Variants in BRCA1 observed in about 807,000 individuals in gnomAD.
The protein encoded by BRCA1 is BRCA1 DNA repair associated.
Under a neutral mutation model 173.7 loss-of-function variants are expected in BRCA1, and 140 were observed. The observed-to-expected ratio is 0.81, with a 90% CI of 0.70 to 0.93. BRCA1 has a LOEUF of 0.93. BRCA1 is among the 40% of genes least tolerant of loss of function. The pLI is 0.00. For synonymous variants in BRCA1, 662 were observed against 756.0 expected, an observed-to-expected ratio of 0.88 and a Z score of 2.04; for missense variants, 1,983 against 2,172.5, an observed-to-expected ratio of 0.91 and a Z score of 1.73.
intron 6 of BRCA1, 122 bp downstream of exon 6, chr17:43,104,000 A>AG (rs2054602044): frequency 7.9e-7 from 1 of 1,269,508 alleles, no homozygotes; most frequent in Non-Finnish European, 1.1e-6. Flanking sequence ...CCAGCTACTA[A>AG]GGGGGCTAAG....
In BRCA1 at chr17:43,106,501, T is replaced by C. The variant is rs397508897; in HGVS notation, c.167A>G (p.Lys56Arg). 6.2e-7 allele frequency: 1 copy of C among 1,604,142 alleles called. No homozygotes were observed. The highest frequency in any genetic ancestry group is 8.5e-7 in the Non-Finnish European group (1 of 1,171,796). The change falls in exon 4 of 23, where the codon AAA becomes AGA. Residue 56 changes from lysine (K) to arginine (R), a missense_variant. By Grantham distance (26) the Lys-to-Arg change is conservative (BLOSUM62 2). Coordinates refer to ENST00000357654, the MANE Select transcript of BRCA1 (RefSeq NM_007294.4). ...FCMLKLLNQK[K>R]GPSQCPLCKN... is the part of the protein sequence containing the mutation. ...ACATAAAGGACACTGTGAAGGCCCT[T>C]TCTTCTGGTTGAGAAGTTTCAGCAT...
At chr17:43,104,748 G>T in intron 5 of BRCA1, 120 bp downstream of exon 5, 3 of 871,448 alleles carry the variant, frequency 3.4e-6, no homozygotes, top group East Asian at 2.5e-5. Context: ...TACAGATACA[G>T]AACTAAAATT....
intron 3 of BRCA1, among the ~76,000 whole-genome samples, chr17:43,107,625 C>G (rs1477549439): frequency 6.6e-6 from 1 of 152,138 alleles, no homozygotes; most frequent in African/African-American, 2.4e-5. Context: ...CCTTGGCCTT[C>G]CAGAGTGCTG....
chr17:43,080,920 A>G (rs1015958077), intron 12 of BRCA1, among the ~76,000 whole-genome samples: 7 of 152,136 alleles, frequency 4.6e-5, no homozygotes, highest in Non-Finnish European at 1.0e-4. Flanking sequence ...AGAAAAAATT[A>G]TTTTTAAAAA....
At chr17:43,108,231 G>A (rs1357956601) in intron 3 of BRCA1, among the ~76,000 whole-genome samples, 25 of 151,356 alleles carry the variant, frequency 1.7e-4, no homozygotes, top group Non-Finnish European at 3.2e-4. Context: ...CCAGTTACTC[G>A]GGAGGCTGAG....
At chr17:43,161,303 A>C (rs1334844099) in intron 1 of BRCA1, 4 of 152,214 alleles carry the variant, frequency 2.6e-5, no homozygotes, top group East Asian at 1.9e-4. Context: ...CGGTATCCCC[A>C]CGAGCCATCT....
In BRCA1 at chr17:43,096,356, A is replaced by T. The variant is rs375835931; in HGVS notation, c.594-434T>A. Among the ~76,000 whole-genome samples, 14 of 144,290 alleles carry T rather than the reference A, an allele frequency of 9.7e-5. No individual in the cohort carries two copies. The South Asian group carries it at 3.4e-3, about 35-fold the overall frequency. 94.7% of individuals were successfully genotyped at this position (144,290 alleles called of 152,430 possible). A position where few individuals can be genotyped will look rare whatever the true frequency, so the allele number is the denominator to read the frequency against. ...CACACCTCTGTACTCCAGCCTGGGC[A>T]ACAGAGCAAGACTCTGTCTCAAAAA... On this transcript the variant is annotated intron_variant, in intron 8 of 22. Coordinates refer to ENST00000357654, the MANE Select transcript of BRCA1 (RefSeq NM_007294.4).
intron 2 of BRCA1, among the ~76,000 whole-genome samples, chr17:43,120,532 G>A (rs111460805): frequency 8.5e-5 from 13 of 152,114 alleles, no homozygotes; most frequent in Admixed American, 6.5e-4. Flanking sequence ...TTGGGAGGCC[G>A]AGGTGGGCGG....
At chr17:43,100,657 C>CAG (rs2054395430) in intron 6 of BRCA1, among the ~76,000 whole-genome samples, 1 of 16,132 alleles carries the variant, frequency 6.2e-5, no homozygotes, top group African/African-American at 5.4e-4. Context: ...ATATATATAA[C>CAG]ATATATATAT....
In BRCA1 at chr17:43,115,789, TA is replaced by T. The variant is rs273902788; in HGVS notation, c.81-11del. The T allele has an allele frequency of 5.2e-5, 83 of 1,611,344 alleles. No homozygotes were observed. The highest frequency in any genetic ancestry group is 1.6e-4 in the Middle Eastern group (1 of 6,076). On this transcript the variant is annotated splice_polypyrimidine_tract_variant and intron_variant, in intron 2 of 22. Coordinates refer to ENST00000357654, the MANE Select transcript of BRCA1 (RefSeq NM_007294.4). ...CTTGATCAACTCCAGACTAGCAGGG[TA>T]GGGGGGGAGAAAAAGAAAATAAATG...
intron 21 of BRCA1, among the ~76,000 whole-genome samples, 173 bp from the exon 22 acceptor site, chr17:43,047,876 A>G (rs1286841286): frequency 6.6e-6 from 1 of 151,804 alleles, no homozygotes; most frequent in Non-Finnish European, 1.5e-5. Flanking sequence ...GGCTCAAGCA[A>G]TCCTTCCATC....
Position 43,106,524 on chromosome 17 carries a change from CA to C in BRCA1, c.143del (p.Met48SerfsTer2), listed in dbSNP as rs80357637. ...CTTTCTTCTGGTTGAGAAGTTTCAG[CA>C]TGCAAAATCTATAAATTATAAAGAA... is the stretch of plus-strand genomic sequence containing the variant. ...KCDHIFCKFC[M>X]LKLLNQKKGP... On this transcript the variant is annotated frameshift_variant, in exon 4 of 23. Transcript: ENST00000357654. LOFTEE classifies it high-confidence loss of function. 6.3e-7 allele frequency: 1 copy of C among 1,593,988 alleles called. No individual in the cohort carries two copies. The highest frequency in any genetic ancestry group is 8.6e-7 in the Non-Finnish European group (1 of 1,163,014).
In BRCA1 at chr17:43,076,492, C is replaced by T. The variant is rs80357148; in HGVS notation, c.4480G>A (p.Glu1494Lys). The change falls in exon 13 of 23, where the codon GAA (glutamate) becomes AAA (lysine). Residue 1494 changes from glutamate to lysine, a missense_variant. Transcript: ENST00000357654. ...STSKNKEPGV[E>K]RSSPSKCPSL... Reference sequence around the variant, plus strand: ...CTTTACATTGATGTTTCTTACCTTTCCACTCCTGGTTCTTTATTTTTACTG... The same window carrying T: ...CTTTACATTGATGTTTCTTACCTTTTCACTCCTGGTTCTTTATTTTTACTG... The T allele has an allele frequency of 3.7e-6, 6 of 1,613,496 alleles. No homozygotes were observed. In the African/African-American group the frequency reaches 6.7e-5, roughly 18 times the overall value.
Position 43,151,953 on chromosome 17 carries a change from C to T in BRCA1, c.-20+18173G>A, listed in dbSNP as rs572319367. ...GTAATTTGGAAGTACCATTAAGTGC[C>T]AGAGACTGTGCTAAGCACTTTACAT... On this transcript the variant is annotated intron_variant, in intron 1 of 7. Coordinates refer to the BRCA1 transcript ENST00000634433. 3.9e-5 allele frequency among the ~76,000 whole-genome samples: 6 copies of T among 152,212 alleles called. No homozygotes were observed. In the South Asian group the frequency reaches 1.0e-3, roughly 26 times the overall value.
chr17:43,063,978 T>C, intron 16 of BRCA1, 27 bp from the exon 17 acceptor site: 1 of 1,609,350 alleles, frequency 6.2e-7, no homozygotes, highest in East Asian at 2.2e-5. Context: ...ACTCAAAGGA[T>C]TAGAAGTTGA....
intron 19 of BRCA1, 128 bp from the exon 20 acceptor site, chr17:43,051,245 C>T: frequency 1.2e-6 from 1 of 845,364 alleles, no homozygotes; most frequent in Non-Finnish European, 1.9e-6. Flanking sequence ...TTCTTCTGTT[C>T]ACCACCTGAT....
chr17:43,056,941 GTGTATGTA>G, intron 19 of BRCA1, 103 bp downstream of exon 19: 1 of 946,554 alleles, frequency 1.1e-6, no homozygotes, highest in Non-Finnish European at 1.7e-6. Context: ...ATCTAGCACT[GTGTATGTA>G]TGTAATAAGT....
At position 43,045,249 on chromosome 17, in the gene BRCA1, C is replaced by T. The variant is rs1464487778; in HGVS notation, c.*429G>A. The T allele has an allele frequency of 1.8e-6, 1 of 541,732 alleles. No homozygotes were observed. The highest frequency in any genetic ancestry group is 1.8e-5 in the African/African-American group (1 of 54,158). 33.6% of individuals were successfully genotyped at this position (541,732 alleles called of 1,614,324 possible). On this transcript the variant is annotated 3_prime_UTR_variant, in exon 23 of 23. Transcript: ENST00000357654. ...ACTCTCCTTCCATTGAAGGGTCTGA[C>T]TCTCTGCCTTTGTGAACACAGGGTT...
chr17:43,150,742 A>C (rs2056155380), intron 1 of BRCA1, among the ~76,000 whole-genome samples: 1 of 152,178 alleles, frequency 6.6e-6, no homozygotes, highest in South Asian at 2.1e-4. Flanking sequence ...CTAAAAAAAA[A>C]CAACTCCATT....
Sources: gnomAD v4.1 joint callset for allele counts (sites outside exome capture counted in the v4.1 genomes callset) on GRCh38, gnomAD v4.1.1 for gene constraint, MANE v1.5 for transcripts, NCBI Gene and HGNC (gene_info 2026-07-23, HGNC 2026-07-21) for gene names.